The following MPHOSPH8 variants were observed in gnomAD, a reference collection of about 807,000 sequenced individuals.
MPHOSPH8 encodes the protein M-phase phosphoprotein 8, also known as M-phase phosphoprotein, mpp.
MPHOSPH8 carries 45 observed loss-of-function variants against 87.3 expected under a neutral mutation model. That is an observed-to-expected ratio of 0.52 (90% CI 0.41 to 0.66). The LOEUF (loss-of-function observed/expected upper bound fraction) is 0.66. Among genes scored for constraint, MPHOSPH8 ranks in the 30% least tolerant of loss-of-function variants. MPHOSPH8 has a pLI of 0.00. For missense variants in MPHOSPH8, 883 were observed against 1,020.2 expected, an observed-to-expected ratio of 0.87 and a Z score of 1.83; for synonymous variants, 366 against 376.9, an observed-to-expected ratio of 0.97 and a Z score of 0.33.
chr13:19,657,921 G>C (rs1875286167), intron 5 of MPHOSPH8, among the ~76,000 whole-genome samples: 1 of 152,200 alleles, frequency 6.6e-6, no homozygotes, highest in Non-Finnish European at 1.5e-5. Flanking sequence ...GTGTGTCTCT[G>C]AGCAAACCCT....
chr13:19,644,199 G>A (rs1339703484), intron 2 of MPHOSPH8, among the ~76,000 whole-genome samples: 2 of 151,496 alleles, frequency 1.3e-5, no homozygotes, highest in African/African-American at 2.4e-5. Flanking sequence ...CATCCTTGCC[G>A]ATGCAATTTT....
At chr13:19,662,955 CCTGATGACTAAAAATTTCA>C (rs1206078060) in intron 8 of MPHOSPH8, 66 bp from the exon 9 acceptor site, 2 of 1,180,718 alleles carry the variant, frequency 1.7e-6, no homozygotes, top group African/African-American at 1.5e-5. Flanking sequence ...GGGTATTTTT[CCTGATGACTAAAAATTTCA>C]AAATATCTGA....
chr13:19,637,425 C>T (rs1485968611), intron 1 of MPHOSPH8, among the ~76,000 whole-genome samples: 1 of 152,088 alleles, frequency 6.6e-6, no homozygotes, highest in African/African-American at 2.4e-5. Context: ...TGTTTATGTA[C>T]ATTTTTTTCT....
chr13:19,671,029 C>T, intron 12 of MPHOSPH8, 177 bp from the exon 13 acceptor site: 3 of 1,366,672 alleles, frequency 2.2e-6, no homozygotes, highest in South Asian at 1.5e-5. Context: ...CCATGTTGGC[C>T]AGGCTGGTCT....
intron 7 of MPHOSPH8, among the ~76,000 whole-genome samples, chr13:19,660,177 C>G (rs1026924499): frequency 6.6e-6 from 1 of 151,236 alleles, no homozygotes; most frequent in Non-Finnish European, 1.5e-5. Flanking sequence ...ACCATGTTAG[C>G]CAGGATGGTC....
In MPHOSPH8 at chr13:19,633,934, G is replaced by A. The variant is rs774321633; in HGVS notation, c.186G>A (p.Glu62=). ...ACGGAGAGGATGTGTTCGAGGTGGA[G>A]AAGATCCTGGACATGAAGACCGAGG... ...EEDGEDVFEV[E]KILDMKTEGG... The change falls in exon 1 of 14, where the codon GAG becomes GAA. Residue 62 remains glutamate, a synonymous_variant. Coordinates refer to ENST00000361479, the MANE Select transcript of MPHOSPH8 (RefSeq NM_017520.4). 5 of 1,610,454 alleles carry A rather than the reference G, an allele frequency of 3.1e-6. No individual in the cohort carries two copies. The highest frequency in any genetic ancestry group is 4.2e-6 in the Non-Finnish European group (5 of 1,178,832).
At chr13:19,671,374 G>T in intron 13 of MPHOSPH8, 85 bp downstream of exon 13, 1 of 1,232,974 alleles carries the variant, frequency 8.1e-7, no homozygotes, top group Non-Finnish European at 1.2e-6. Context: ...AAAATTCCAA[G>T]AATCCTGGTG....
chr13:19,659,204 T>G lies in MPHOSPH8; in HGVS notation c.1706T>G (p.Val569Gly), dbSNP rs780631679. The change falls in exon 7 of 14, where the codon GTG (valine) becomes GGG (glycine). Residue 569 changes from valine (V) to glycine (G), a missense_variant. By Grantham distance (109) the Val-to-Gly change is moderately radical. This residue lies in a region of MPHOSPH8 where 741 missense variants were observed against 841.5 expected (regional missense o/e 0.88). Coordinates refer to ENST00000361479, the MANE Select transcript of MPHOSPH8 (RefSeq NM_017520.4). ...CTTATTTTTTCTTTCATTTTAGATG[T>G]GTTAAGGGATGCTGTGAAAAATGGG... ...FAATDAIPSN[V>G]LRDAVKNGDY... 24 of 1,611,270 alleles carry G rather than the reference T, an allele frequency of 1.5e-5. No individual in the cohort carries two copies. The highest frequency in any genetic ancestry group is 2.0e-5 in the Non-Finnish European group (24 of 1,178,866).
intron 3 of MPHOSPH8, among the ~76,000 whole-genome samples, chr13:19,648,041 T>A (rs1874659397): frequency 6.6e-6 from 1 of 151,980 alleles, no homozygotes. Context: ...TAAACAAAAA[T>A]GAATTTTAAA....
chr13:19,662,783 A>C (rs757630191), intron 8 of MPHOSPH8, among the ~76,000 whole-genome samples: 5 of 152,152 alleles, frequency 3.3e-5, no homozygotes, highest in Non-Finnish European at 1.5e-5. Flanking sequence ...TTATCTTTTT[A>C]AAGGATTTAT....
chr13:19,648,495 G>T lies in MPHOSPH8; in HGVS notation c.1292G>T (p.Gly431Val). The T allele has an allele frequency of 6.3e-7, 1 of 1,578,296 alleles. No individual in the cohort carries two copies. The highest frequency in any genetic ancestry group is 2.4e-5 in the East Asian group (1 of 42,328). The change falls in exon 4 of 14, where the codon GGC (glycine) becomes GTC (valine). Residue 431 changes from glycine to valine, a missense_variant. Physicochemically the swap from Gly to Val is moderately radical, Grantham distance 109. Coordinates refer to ENST00000361479, the MANE Select transcript of MPHOSPH8 (RefSeq NM_017520.4). ...CATGATTCTGACAAGGAAGAAAAAG[G>T]CAGAAAAGAGCCAAAAGGATTAAAG... is the stretch of plus-strand genomic sequence containing the variant. The part of the protein sequence containing the change: ...KRHDSDKEEK[G>V]RKEPKGLKTL...
intron 1 of MPHOSPH8, among the ~76,000 whole-genome samples, chr13:19,639,441 G>A (rs1473883443): frequency 5.3e-5 from 8 of 151,918 alleles, no homozygotes; most frequent in African/African-American, 1.9e-4. Context: ...CTCCTGAGTA[G>A]CCAGAATTAC....
intron 10 of MPHOSPH8, among the ~76,000 whole-genome samples, chr13:19,667,758 A>G (rs1345367857): frequency 1.3e-5 from 2 of 152,342 alleles, no homozygotes; most frequent in African/African-American, 2.4e-5. Context: ...TTCTTTTTCA[A>G]ATAAATTCTC....
At position 19,636,120 on chromosome 13, in the gene MPHOSPH8, C is replaced by T. The variant is rs116938036; in HGVS notation, c.213+2159C>T. ...AATTACCCAGTCTCAGGTATTTCTT[C>T]ATAGCAGTTTGAGAACGGACTAATA... On this transcript the variant is annotated intron_variant, in intron 1 of 13. Coordinates refer to ENST00000361479, the MANE Select transcript of MPHOSPH8 (RefSeq NM_017520.4). 5.8e-3 allele frequency among the ~76,000 whole-genome samples: 888 copies of T among 152,326 alleles called. 5 individuals are homozygous for T. The highest frequency in any genetic ancestry group is 0.024 in the Middle Eastern group (7 of 294).
Position 19,645,328 on chromosome 13 carries a change from G to C in MPHOSPH8, c.370-1115G>C, listed in dbSNP as rs116855243. Among the ~76,000 whole-genome samples the C allele has an allele frequency of 4.6e-3, 695 of 152,326 alleles. 5 individuals carry two copies. Among genetic ancestry groups the C allele is most frequent in the South Asian group, 0.027 (128 of 4,824 alleles). ...TTGGGACTTACTAAAACCAAAAGCT[G>C]TCTGTGGGGAGTTTTGTTTTGCTGT... On this transcript the variant is annotated intron_variant, in intron 2 of 13. Transcript: ENST00000361479.
rs1426639984 is a variant in MPHOSPH8 at position 19,668,463 on chromosome 13, A to G, written c.2261A>G (p.His754Arg). 1.2e-6 allele frequency: 2 copies of G among 1,613,896 alleles called. No individual in the cohort carries two copies. The highest frequency in any genetic ancestry group is 1.7e-6 in the Non-Finnish European group (2 of 1,179,818). Residue 754 changes from histidine (H) to arginine (R), a missense_variant, in exon 11 of 14, where the codon CAT becomes CGT. By Grantham distance (29) the His-to-Arg change is conservative. Coordinates refer to ENST00000361479, the MANE Select transcript of MPHOSPH8 (RefSeq NM_017520.4). ...GAACCAGTTTTTCCAATCGCATGTC[A>G]TCGACTCTGTGAGGGTCCAGATTTT... The part of the protein sequence containing the change: ...LLEPVFPIAC[H>R]RLCEGPDFST...
chr13:19,670,349 C>T lies in MPHOSPH8; in HGVS notation c.2443C>T (p.Leu815Phe), dbSNP rs1237663440. The T allele has an allele frequency of 1.2e-6, 2 of 1,613,904 alleles. No homozygotes were observed. Among genetic ancestry groups the T allele is most frequent in the African/African-American group, 1.3e-5 (1 of 74,934 alleles). ...TGTAGTTCTGAATGATAAATTTCAG[C>T]TTCCTGTTTTTCTGGTAAGATACTC... ...QAVVLNDKFQLPVFLDSHFVY... is the reference protein window; with the variant it reads ...QAVVLNDKFQFPVFLDSHFVY... Residue 815 changes from leucine (L) to phenylalanine (F), a missense_variant, in exon 12 of 14, where the codon CTT becomes TTT. By Grantham distance (22) the Leu-to-Phe change is conservative (BLOSUM62 0). This residue lies in a region of MPHOSPH8 where 741 missense variants were observed against 841.5 expected (regional missense o/e 0.88). Coordinates refer to ENST00000361479, the MANE Select transcript of MPHOSPH8 (RefSeq NM_017520.4).
intron 11 of MPHOSPH8, among the ~76,000 whole-genome samples, chr13:19,669,191 CTGT>C (rs1300690107): frequency 1.3e-5 from 2 of 152,062 alleles, no homozygotes; most frequent in Non-Finnish European, 2.9e-5. Flanking sequence ...CAGGTGGTTG[CTGT>C]TGTTTTGAGA....
At chr13:19,667,434 A>G (rs556432928) in intron 10 of MPHOSPH8, among the ~76,000 whole-genome samples, 16 of 152,300 alleles carry the variant, frequency 1.1e-4, no homozygotes, top group African/African-American at 3.1e-4. Flanking sequence ...ATGAATTTGG[A>G]CAAATACATA....
Sources: gnomAD v4.1 joint callset for allele counts (sites outside exome capture counted in the v4.1 genomes callset) on GRCh38, gnomAD v4.1.1 for gene constraint, gnomAD v4.1.1 regional missense constraint, MANE v1.5 for transcripts, NCBI Gene and HGNC (gene_info 2026-07-23, HGNC 2026-07-21) for gene names.